PLXNC1: variants seen among roughly 807,000 people sequenced by gnomAD.
PLXNC1 encodes the protein plexin C1, also known as plexin-C1.
A neutral mutation model predicts 178.2 loss-of-function variants in PLXNC1; 75 were observed. The ratio of observed to expected loss-of-function variants is 0.42; its 90% CI spans 0.35 to 0.51. The LOEUF (loss-of-function observed/expected upper bound fraction) is 0.51. Among genes scored for constraint, PLXNC1 ranks in the 20% least tolerant of loss-of-function variants. The probability of loss-of-function intolerance (pLI) is 0.02; values close to 1 mark genes in which losing one functional copy is unlikely to be tolerated. For synonymous variants in PLXNC1, 790 were observed against 779.9 expected (o/e 1.01, Z -0.22); for missense variants, 1,503 against 1,984.4 (o/e 0.76, Z 4.61).
At chr12:94,200,621 G>C (rs1211330585) in intron 4 of PLXNC1, among the ~76,000 whole-genome samples, 1 of 152,144 alleles carries the variant, frequency 6.6e-6, no homozygotes. Flanking sequence ...CAGTTACACA[G>C]GGAGTATATG....
chr12:94,237,961 C>T lies in PLXNC1; in HGVS notation c.2120+158C>T, dbSNP rs140453992. On this transcript the variant is annotated intron_variant, in intron 10 of 30. Coordinates refer to ENST00000258526, the MANE Select transcript of PLXNC1 (RefSeq NM_005761.3). ...TATTTGACATAATATAATTCCAACACGTAAAATAATTTTCACAACAGATCT... is the reference window on the plus strand; with the variant it reads ...TATTTGACATAATATAATTCCAACATGTAAAATAATTTTCACAACAGATCT... Among the ~76,000 whole-genome samples the T allele has an allele frequency of 1.5e-4, 23 of 152,254 alleles. No homozygotes were observed. In the East Asian group the frequency reaches 3.1e-3, roughly 20 times the overall value.
rs183603675 is a variant in PLXNC1 at position 94,181,234 on chromosome 12, C to G, written c.1204-212C>G. Among the ~76,000 whole-genome samples, 176 of 151,702 alleles carry G rather than the reference C, an allele frequency of 1.2e-3. 1 individual carries two copies. Among genetic ancestry groups the G allele is most frequent in the Admixed American group, 2.6e-3 (40 of 15,210 alleles). ...CCAACGTAGTGAAACCCCATCTCTA[C>G]TAAAAAAAATTAGCTGGGTGTGGTG... is the stretch of plus-strand genomic sequence containing the variant. On this transcript the variant is annotated intron_variant, in intron 2 of 30. Coordinates refer to ENST00000258526, the MANE Select transcript of PLXNC1 (RefSeq NM_005761.3).
At chr12:94,151,690 A>T (rs1960965568) in intron 1 of PLXNC1, among the ~76,000 whole-genome samples, 1 of 152,236 alleles carries the variant, frequency 6.6e-6, no homozygotes, top group Non-Finnish European at 1.5e-5. Flanking sequence ...AGAGGCCCAC[A>T]GCAGGTAATG....
intron 11 of PLXNC1, among the ~76,000 whole-genome samples, chr12:94,242,499 A>G (rs2695153): frequency 0.77 from 117,144 of 151,580 alleles, 45,503 homozygotes; most frequent in East Asian, 0.97. Flanking sequence ...GCCCACCCCA[A>G]TGACTTCGTT....
intron 23 of PLXNC1, among the ~76,000 whole-genome samples, chr12:94,284,596 C>T (rs10777588): frequency 0.32 from 48,436 of 151,826 alleles, 8,013 homozygotes; most frequent in Non-Finnish European, 0.38. Context: ...AGCAGTCCTA[C>T]GAGATAGGTA....
intron 9 of PLXNC1, among the ~76,000 whole-genome samples, chr12:94,237,271 G>A (rs1038323920): frequency 2.6e-5 from 4 of 152,198 alleles, no homozygotes; most frequent in African/African-American, 9.7e-5. Context: ...TTAACGATGA[G>A]TCTGTCATTG....
At chr12:94,210,595 T>C (rs1304730095) in intron 5 of PLXNC1, among the ~76,000 whole-genome samples, 2 of 152,194 alleles carry the variant, frequency 1.3e-5, no homozygotes, top group East Asian at 1.9e-4. Flanking sequence ...TTCAGAGAAA[T>C]AGCAAGAACT....
Position 94,305,342 on chromosome 12 carries a change from T to C in PLXNC1, c.*57T>C. On this transcript the variant is annotated 3_prime_UTR_variant, in exon 31 of 31. Coordinates refer to ENST00000258526, the MANE Select transcript of PLXNC1 (RefSeq NM_005761.3). ...TTCTTCAGACGACTTGGGAGCAAAATGGCTGCTTGAGCTACTCTGTGTCGT... is the reference window on the plus strand; with the variant it reads ...TTCTTCAGACGACTTGGGAGCAAAACGGCTGCTTGAGCTACTCTGTGTCGT... 1.0e-6 allele frequency: 1 copy of C among 999,420 alleles called. No homozygotes were observed. The highest frequency in any genetic ancestry group is 2.0e-5 in the Admixed American group (1 of 51,000). The allele number at this position is 999,420 out of a possible 1,614,324, so 61.9% of individuals were successfully genotyped here.
chr12:94,150,442 C>T (rs1013845970), intron 1 of PLXNC1, among the ~76,000 whole-genome samples: 1 of 152,318 alleles, frequency 6.6e-6, no homozygotes. Flanking sequence ...TGGGTCTGAC[C>T]CTCTTGGTCA....
intron 5 of PLXNC1, among the ~76,000 whole-genome samples, chr12:94,219,562 A>G (rs1963732478): frequency 6.6e-6 from 1 of 152,218 alleles, no homozygotes; most frequent in African/African-American, 2.4e-5. Context: ...GATTACTCAA[A>G]AGCACATTGT....
chr12:94,271,444 A>C (rs1041384723), intron 21 of PLXNC1, among the ~76,000 whole-genome samples: 9 of 152,236 alleles, frequency 5.9e-5, no homozygotes, highest in Non-Finnish European at 1.0e-4. Flanking sequence ...CTCAATACCC[A>C]AAACCACCAA....
At chr12:94,214,089 CTTT>C (rs35305672) in intron 5 of PLXNC1, among the ~76,000 whole-genome samples, 1 of 141,264 alleles carries the variant, frequency 7.1e-6, no homozygotes. Flanking sequence ...ACACTAGAAA[CTTT>C]TTTTTTTTTT....
intron 3 of PLXNC1, among the ~76,000 whole-genome samples, chr12:94,184,894 C>G (rs1962454323): frequency 6.6e-6 from 1 of 152,192 alleles, no homozygotes; most frequent in African/African-American, 2.4e-5. Flanking sequence ...GTCAAAGGCT[C>G]CGAGAAGCCC....
At chr12:94,173,230 G>A (rs1002399712) in intron 2 of PLXNC1, among the ~76,000 whole-genome samples, 18 of 152,138 alleles carry the variant, frequency 1.2e-4, no homozygotes, top group South Asian at 4.1e-4. Context: ...CACACACCGA[G>A]TCTTTCTCCA....
Position 94,235,650 on chromosome 12 carries a change from C to T in PLXNC1, c.1981-2014C>T, listed in dbSNP as rs377014864. 8.9e-4 allele frequency among the ~76,000 whole-genome samples: 135 copies of T among 152,346 alleles called. 1 individual carries two copies. The highest frequency in any genetic ancestry group is 3.1e-3 in the African/African-American group (128 of 41,584). On this transcript the variant is annotated intron_variant, in intron 9 of 30. Coordinates refer to ENST00000258526, the MANE Select transcript of PLXNC1 (RefSeq NM_005761.3). ...GAGCCAAGACAGTAAATATTTTAGG[C>T]TTTGCGGGCCGTATGGTCTCTGCTG...
At chr12:94,210,785 C>T (rs930833236) in intron 5 of PLXNC1, among the ~76,000 whole-genome samples, 1 of 152,154 alleles carries the variant, frequency 6.6e-6, no homozygotes, top group Admixed American at 6.5e-5. Flanking sequence ...TAATAACTTT[C>T]ATACAAACTT....
chr12:94,172,231 A>C (rs953430995), intron 2 of PLXNC1, among the ~76,000 whole-genome samples: 1 of 152,204 alleles, frequency 6.6e-6, no homozygotes, highest in Non-Finnish European at 1.5e-5. Flanking sequence ...GAGAAGAAAG[A>C]GGGCTTGGAT....
chr12:94,298,635 G>T lies in PLXNC1; in HGVS notation c.4078G>T (p.Ala1360Ser). Residue 1360 changes from alanine to serine, a missense_variant, in exon 27 of 31, where the codon GCA (alanine) becomes TCA (serine). Physicochemically the swap from Ala to Ser is moderately conservative, Grantham distance 99. Around this residue, in one of 4 missense-constraint regions of PLXNC1, gnomAD observed 639 missense variants for 979.7 expected, o/e 0.65. Coordinates refer to ENST00000258526, the MANE Select transcript of PLXNC1 (RefSeq NM_005761.3). ...YLTKLLSTKV[A>S]IHSVLEKLFR... ...TCTGATGTTGTCTATCTTTCAGGTG[G>T]CAATTCATTCTGTGCTTGAAAAACT... 1 of 1,584,330 alleles carries T rather than the reference G, an allele frequency of 6.3e-7. No individual in the cohort carries two copies. The highest frequency in any genetic ancestry group is 1.2e-5 in the South Asian group (1 of 85,456).
intron 9 of PLXNC1, among the ~76,000 whole-genome samples, chr12:94,228,841 G>A (rs187141281): frequency 6.6e-6 from 1 of 152,240 alleles, no homozygotes; most frequent in East Asian, 1.9e-4. Flanking sequence ...TTTTAGCTAT[G>A]ATGAATAATG....
Sources: allele counts gnomAD v4.1 joint callset (sites outside exome capture counted in the v4.1 genomes callset), GRCh38; gene constraint gnomAD v4.1.1; regional missense constraint gnomAD v4.1.1; transcripts MANE v1.5; gene names NCBI Gene and HGNC (gene_info 2026-07-23, HGNC 2026-07-21).